The following IQSEC2 variants were observed in gnomAD, a reference collection of about 807,000 sequenced individuals.
IQSEC2 encodes the protein IQ motif and Sec7 domain ArfGEF 2.
Under a neutral mutation model 74.6 loss-of-function variants are expected in IQSEC2, and 6 were observed. That is an observed-to-expected ratio of 0.08 (90% CI 0.04 to 0.16). The LOEUF (loss-of-function observed/expected upper bound fraction) is 0.16, where lower values mean the gene tolerates loss of function less well. IQSEC2 is among the 10% of genes least tolerant of loss of function. The probability of loss-of-function intolerance (pLI) is 1.00; values close to 1 mark genes in which losing one functional copy is unlikely to be tolerated. For missense variants in IQSEC2, 734 were observed against 1,306.2 expected (o/e 0.56, Z 6.75); for synonymous variants, 494 against 544.5 (o/e 0.91, Z 1.29).
intron 1 of IQSEC2, among the ~76,000 whole-genome samples, chrX:53,293,380 A>G (rs782467772): frequency 1.4e-4 from 16 of 112,175 alleles, no homozygotes; most frequent in Non-Finnish European, 2.4e-4. Flanking sequence ...CACATGGTAC[A>G]TGCTCAGCAG....
chrX:53,241,962 G>A, intron 9 of IQSEC2, 53 bp from the exon 10 acceptor site: 1 of 1,177,296 alleles, frequency 8.5e-7, no homozygotes, highest in Non-Finnish European at 1.1e-6. Context: ...TCAGCTTCAG[G>A]CCTCCTGGCA....
At position 53,248,246 on chromosome X, in the gene IQSEC2, A is replaced by G; in HGVS notation, c.2460-10T>C. 1 of 1,208,562 alleles carries G rather than the reference A, an allele frequency of 8.3e-7. No individual in the cohort carries two copies. The highest frequency in any genetic ancestry group is 2.2e-5 in the Admixed American group (1 of 45,808). On this transcript the variant is annotated splice_polypyrimidine_tract_variant and intron_variant, in intron 6 of 14. Transcript: ENST00000642864. ...CTCATCCACCACACAGCTAAGGAGCAAAGAAGGAGGTGTGGCGCTTTCAAT... is the reference window on the plus strand; with the variant it reads ...CTCATCCACCACACAGCTAAGGAGCGAAGAAGGAGGTGTGGCGCTTTCAAT...
chrX:53,301,362 A>G (rs1556875449), intron 1 of IQSEC2, among the ~76,000 whole-genome samples: 1 of 111,184 alleles, frequency 9.0e-6, no homozygotes, highest in African/African-American at 3.3e-5. Context: ...ACGAATCACA[A>G]TCTTATGGGT....
chrX:53,288,519 T>C lies in IQSEC2; in HGVS notation c.737+3376A>G, dbSNP rs2075057495. 2.7e-5 allele frequency among the ~76,000 whole-genome samples: 3 copies of C among 111,143 alleles called. No homozygotes were observed. The South Asian group carries it at 1.2e-3, about 43-fold the overall frequency. On this transcript the variant is annotated intron_variant, in intron 2 of 14. Coordinates refer to ENST00000642864, the MANE Select transcript of IQSEC2 (RefSeq NM_001111125.3). ...CTCACTGCAGCAGTGCCTCTAGGCCTGGGCCCCCTCATCTTCTGGTGAGGG... is the reference window on the plus strand; with the variant it reads ...CTCACTGCAGCAGTGCCTCTAGGCCCGGGCCCCCTCATCTTCTGGTGAGGG...
intron 1 of IQSEC2, among the ~76,000 whole-genome samples, chrX:53,313,130 C>CCT (rs1242945774): frequency 2.7e-5 from 3 of 111,948 alleles, no homozygotes; most frequent in African/African-American, 9.8e-5. Flanking sequence ...CCACATTCCG[C>CCT]CTCTAGGGGG....
At position 53,256,062 on chromosome X, in the gene IQSEC2, C is replaced by A; in HGVS notation, c.738-1G>T. The stretch of plus-strand genomic sequence containing the variant: ...ACTGCCTGGGGCATCACCCTCCACA[C>A]TGTGGGGATGAGATAAGATGAGCCA... On this transcript the variant is annotated splice_acceptor_variant, in intron 2 of 14. Coordinates refer to ENST00000642864, the MANE Select transcript of IQSEC2 (RefSeq NM_001111125.3). LOFTEE classifies it high-confidence loss of function. 1 of 1,165,556 alleles carries A rather than the reference C, an allele frequency of 8.6e-7. No homozygotes were observed. The highest frequency in any genetic ancestry group is 1.1e-6 in the Non-Finnish European group (1 of 871,790).
At position 53,247,369 on chromosome X, in the gene IQSEC2, C is replaced by A. The variant is rs182369896; in HGVS notation, c.2583-234G>T. 9.4e-4 allele frequency among the ~76,000 whole-genome samples: 106 copies of A among 112,422 alleles called. No homozygotes were observed. The highest frequency in any genetic ancestry group is 7.3e-4 in the Non-Finnish European group (39 of 53,260). On this transcript the variant is annotated intron_variant, in intron 7 of 14. Coordinates refer to ENST00000642864, the MANE Select transcript of IQSEC2 (RefSeq NM_001111125.3). ...TGTTTCACGTAATCCTATCATAATC[C>A]TGCAAGGTAGCTATTGGCAGTCCCA...
intron 2 of IQSEC2, among the ~76,000 whole-genome samples, chrX:53,287,649 C>G (rs781885831): frequency 8.9e-6 from 1 of 112,639 alleles, no homozygotes. Flanking sequence ...CAGCCTCCCT[C>G]CCCAGCTGCC....
chrX:53,250,163 TC>T lies in IQSEC2; in HGVS notation c.2297+115del, dbSNP rs782298762. 2.1e-5 allele frequency: 18 copies of T among 858,886 alleles called. No individual in the cohort carries two copies. In the East Asian group the frequency reaches 5.1e-4, roughly 24 times the overall value. 70.8% of individuals were successfully genotyped at this position (858,886 alleles called of 1,213,427 possible). A position where few individuals can be genotyped will look rare whatever the true frequency, so the allele number is the denominator to read the frequency against. ...CTGAATGTCTGGGGAGAAATACCAT[TC>T]CACAAAATGAAAGGATGGCAGAACG... On this transcript the variant is annotated intron_variant, in intron 5 of 14. Transcript: ENST00000642864.
At chrX:53,312,444 C>A (rs1425734793) in intron 1 of IQSEC2, among the ~76,000 whole-genome samples, 1 of 112,219 alleles carries the variant, frequency 8.9e-6, no homozygotes, top group Non-Finnish European at 1.9e-5. Flanking sequence ...TCATAGAATT[C>A]TCTGCCTGTG....
intron 2 of IQSEC2, among the ~76,000 whole-genome samples, chrX:53,286,951 A>G (rs868940048): frequency 9.4e-6 from 1 of 105,981 alleles, no homozygotes; most frequent in African/African-American, 3.5e-5. Flanking sequence ...AAAAAAAAAA[A>G]AAAAAAGAAA....
intron 8 of IQSEC2, among the ~76,000 whole-genome samples, chrX:53,246,615 T>C (rs2074312496): frequency 8.9e-6 from 1 of 111,798 alleles, no homozygotes; most frequent in Admixed American, 9.5e-5. Context: ...TGAGTCCTCA[T>C]GGGCATAAAT....
Position 53,234,797 on chromosome X carries a change from G to A in IQSEC2, c.3889C>T (p.Pro1297Ser), listed in dbSNP as rs2074100278. ...GAGCCCAGCTGGGGCAAGGGTGGGG[G>A]CTGCTGGGGAGGTGGGGGAAGAGAG... ...QPSLPPPPQQ[P>S]PPLPQLGSIP... The change falls in exon 15 of 15, where the codon CCC (proline) becomes TCC (serine). Residue 1297 changes from proline to serine, a missense_variant. Pro to Ser is a moderately conservative substitution (Grantham distance 74). This residue lies in a region of IQSEC2 where 249 missense variants were observed against 467.9 expected (regional missense o/e 0.53). Coordinates refer to ENST00000642864, the MANE Select transcript of IQSEC2 (RefSeq NM_001111125.3). 1 of 1,110,725 alleles carries A rather than the reference G, an allele frequency of 9.0e-7. No individual in the cohort carries two copies. Among genetic ancestry groups the A allele is most frequent in the East Asian group, 3.3e-5 (1 of 30,030 alleles). 91.5% of individuals were successfully genotyped at this position (1,110,725 alleles called of 1,213,427 possible).
At chrX:53,297,480 C>A (rs1254697792) in intron 1 of IQSEC2, among the ~76,000 whole-genome samples, 1 of 110,168 alleles carries the variant, frequency 9.1e-6, no homozygotes, top group Non-Finnish European at 1.9e-5. Context: ...GCATGCACCA[C>A]CACACCTGGT....
At position 53,250,928 on chromosome X, in the gene IQSEC2, G is replaced by C. The variant is rs782469479; in HGVS notation, c.1648C>G (p.Pro550Ala). 32 of 1,208,602 alleles carry C rather than the reference G, an allele frequency of 2.6e-5. No individual in the cohort carries two copies. The Admixed American group carries it at 5.7e-4, about 21-fold the overall frequency. Reference protein sequence around the residue: ...QGRPEFWAPAPLPPVPPPVPS... With the variant: ...QGRPEFWAPAALPPVPPPVPS... The stretch of plus-strand genomic sequence containing the variant: ...ACTGGTGGAGGAACTGGCGGGAGAG[G>C]GGCTGGCGCCCAGAACTCGGGCCGG... Residue 550 changes from proline to alanine, a missense_variant, in exon 5 of 15, where the codon CCT becomes GCT. Transcript: ENST00000642864.
intron 2 of IQSEC2, among the ~76,000 whole-genome samples, chrX:53,279,931 G>GGGAGGGAGGAAGGAAGGA: frequency 3.0e-5 from 1 of 32,957 alleles, no homozygotes; most frequent in Non-Finnish European, 5.4e-5. Flanking sequence ...GGGAGGGAGG[G>GGGAGGGAGGAAGGAAGGA]AGGAAGGAAG....
In IQSEC2 at chrX:53,250,640, G is replaced by C; in HGVS notation, c.1936C>G (p.Arg646Gly). 1 of 1,209,078 alleles carries C rather than the reference G, an allele frequency of 8.3e-7. No individual in the cohort carries two copies. Among genetic ancestry groups the C allele is most frequent in the Non-Finnish European group, 1.1e-6 (1 of 894,127 alleles). The change falls in exon 5 of 15, where the codon CGC becomes GGC. Residue 646 changes from arginine to glycine, a missense_variant. By Grantham distance (125) the Arg-to-Gly change is moderately radical. This residue lies in a region of IQSEC2 where 204 missense variants were observed against 305.4 expected (regional missense o/e 0.67). Coordinates refer to ENST00000642864, the MANE Select transcript of IQSEC2 (RefSeq NM_001111125.3). ...GGGCCTTCAGGGGCTGGGTAGTGGC[G>C]GTGTGGGATCGGGGCCCTGCCTGGT... ...GPPGRAPIPH[R>G]HYPAPEGPAP...
intron 10 of IQSEC2, among the ~76,000 whole-genome samples, chrX:53,241,201 G>A (rs2074215066): frequency 9.0e-6 from 1 of 111,463 alleles, no homozygotes; most frequent in Admixed American, 9.5e-5. Flanking sequence ...TGCCTCCTGG[G>A]CTCAAGTGAT....
intron 2 of IQSEC2, among the ~76,000 whole-genome samples, chrX:53,276,493 A>G (rs2074836383): frequency 8.9e-6 from 1 of 112,462 alleles, no homozygotes; most frequent in African/African-American, 3.2e-5. Flanking sequence ...TACCATCCTC[A>G]AATAATGCTA....
Sources: gnomAD v4.1 joint callset for allele counts (sites outside exome capture counted in the v4.1 genomes callset) on GRCh38, gnomAD v4.1.1 for gene constraint, gnomAD v4.1.1 regional missense constraint, MANE v1.5 for transcripts, NCBI Gene and HGNC (gene_info 2026-07-23, HGNC 2026-07-21) for gene names.